The following SCIN variants were observed in gnomAD, a reference collection of about 807,000 sequenced individuals.
SCIN encodes the protein scinderin, also known as adseverin.
In SCIN, 91 loss-of-function variants were observed where a neutral mutation model predicts 91.8. That is an observed-to-expected ratio of 0.99 (90% confidence interval 0.84 to 1.18). The LOEUF is 1.18. Among genes scored for constraint, SCIN ranks in the 50% most tolerant of loss-of-function variants. SCIN has a pLI of 0.00. For synonymous variants in SCIN, 367 were observed against 312.6 expected (o/e 1.17, Z -1.84); for missense variants, 1,087 against 863.9 (o/e 1.26, Z -3.24).
chr7:12,649,976 T>G (rs899596068), intron 14 of SCIN, among the ~76,000 whole-genome samples: 2 of 151,368 alleles, frequency 1.3e-5, no homozygotes, highest in East Asian at 1.9e-4. Context: ...GGCAGAATAG[T>G]TTTGAATCTA....
chr7:12,595,155 C>T (rs963534153), intron 3 of SCIN, among the ~76,000 whole-genome samples: 8 of 152,120 alleles, frequency 5.3e-5, no homozygotes, highest in East Asian at 1.9e-4. Context: ...CAAGGTCAGG[C>T]GAGTAAGCTT....
intron 3 of SCIN, among the ~76,000 whole-genome samples, chr7:12,603,702 G>A (rs1167849433): frequency 6.6e-6 from 1 of 152,056 alleles, no homozygotes; most frequent in Non-Finnish European, 1.5e-5. Flanking sequence ...CTAAATGGTA[G>A]CTAATATAAT....
At chr7:12,605,141 T>G (rs1236002488) in intron 4 of SCIN, among the ~76,000 whole-genome samples, 1 of 152,160 alleles carries the variant, frequency 6.6e-6, no homozygotes, top group African/African-American at 2.4e-5. Flanking sequence ...AAGCTCTGCC[T>G]CCCGGGTTCA....
intron 2 of SCIN, 150 bp from the exon 3 acceptor site, chr7:12,580,910 T>C: frequency 1.5e-6 from 1 of 647,572 alleles, no homozygotes. Flanking sequence ...TCTCTCTTGT[T>C]TTATGGAATA....
At chr7:12,603,058 C>A (rs1399754107) in intron 3 of SCIN, among the ~76,000 whole-genome samples, 3 of 152,112 alleles carry the variant, frequency 2.0e-5, no homozygotes, top group Non-Finnish European at 2.9e-5. Context: ...TGACTTCCCG[C>A]AACAGTTTCT....
intron 4 of SCIN, among the ~76,000 whole-genome samples, chr7:12,609,659 T>A (rs928233110): frequency 3.9e-5 from 6 of 152,212 alleles, no homozygotes; most frequent in African/African-American, 1.4e-4. Flanking sequence ...CAATTTTTTT[T>A]ATTCTGGAAA....
At chr7:12,575,162 A>G (rs572792403) in intron 1 of SCIN, among the ~76,000 whole-genome samples, 2 of 151,346 alleles carry the variant, frequency 1.3e-5, no homozygotes, top group African/African-American at 4.8e-5. Context: ...TAGAAATGTG[A>G]CTGATTTTTT....
At chr7:12,618,685 C>A (rs1008875868) in intron 4 of SCIN, among the ~76,000 whole-genome samples, 3 of 152,066 alleles carry the variant, frequency 2.0e-5, no homozygotes, top group Non-Finnish European at 4.4e-5. Flanking sequence ...AAATGCCTTG[C>A]AGCAAGTAAA....
At chr7:12,634,941 C>T (rs1248459522) in intron 9 of SCIN, among the ~76,000 whole-genome samples, 1 of 152,114 alleles carries the variant, frequency 6.6e-6, no homozygotes, top group Non-Finnish European at 1.5e-5. Flanking sequence ...AATCCTAGCA[C>T]TTTGGGAGGC....
intron 2 of SCIN, among the ~76,000 whole-genome samples, 188 bp downstream of exon 2, chr7:12,578,406 T>C (rs1335372422): frequency 1.3e-5 from 2 of 152,192 alleles, no homozygotes; most frequent in African/African-American, 2.4e-5. Flanking sequence ...TCAATAAATG[T>C]TTGTGAAATG....
At chr7:12,577,673 G>C (rs1249595038) in intron 1 of SCIN, 18 of 438,504 alleles carry the variant, frequency 4.1e-5, no homozygotes, top group Non-Finnish European at 2.7e-5. Context: ...GCAACATATG[G>C]AGACCTTTTC....
At chr7:12,626,968 T>C (rs1783538787) in intron 8 of SCIN, among the ~76,000 whole-genome samples, 169 bp downstream of exon 8, 1 of 151,946 alleles carries the variant, frequency 6.6e-6, no homozygotes, top group South Asian at 2.1e-4. Flanking sequence ...AGCTCGCCCA[T>C]AGTCCTAGCT....
At chr7:12,584,155 T>C (rs1782541686) in intron 3 of SCIN, among the ~76,000 whole-genome samples, 1 of 152,232 alleles carries the variant, frequency 6.6e-6, no homozygotes, top group Non-Finnish European at 1.5e-5. Flanking sequence ...TTGGCAACTT[T>C]ATTTTGGGGT....
intron 1 of SCIN, among the ~76,000 whole-genome samples, chr7:12,573,424 G>A (rs967952326): frequency 1.3e-5 from 2 of 152,188 alleles, no homozygotes; most frequent in African/African-American, 2.4e-5. Context: ...AGAGAACAGA[G>A]CAGGAGAGTC....
At chr7:12,623,795 T>C (rs1169811575) in intron 5 of SCIN, among the ~76,000 whole-genome samples, 2 of 152,218 alleles carry the variant, frequency 1.3e-5, no homozygotes, top group Non-Finnish European at 2.9e-5. Context: ...TTTAGCGTAA[T>C]TTCCTTTTCA....
intron 9 of SCIN, among the ~76,000 whole-genome samples, chr7:12,631,911 C>T (rs548424136): frequency 1.3e-5 from 2 of 152,052 alleles, no homozygotes; most frequent in South Asian, 4.2e-4. Context: ...CCAATCTACT[C>T]GTCATAGAGT....
rs1165900586 is a variant in SCIN, at chr7:12,640,616, C to T, written c.1581+99C>T. On this transcript the variant is annotated intron_variant, in intron 11 of 15. Transcript: ENST00000297029. ...AGACTTTAAAAACTTGGCAAATAAA[C>T]TCCCTTCATTCCTATAATTAATCCA... 8 of 1,059,660 alleles carry T rather than the reference C, an allele frequency of 7.5e-6. No homozygotes were observed. The East Asian group carries it at 1.5e-4, about 20-fold the overall frequency. 65.6% of individuals were successfully genotyped at this position (1,059,660 alleles called of 1,614,324 possible).
In SCIN at chr7:12,655,022, T is replaced by C. The variant is rs796208369; in HGVS notation, c.*2307T>C. On this transcript the variant is annotated 3_prime_UTR_variant, in exon 16 of 16. Coordinates refer to ENST00000297029, the MANE Select transcript of SCIN (RefSeq NM_001112706.3). ...GTTTTTCTTCAGTATCCGCGGGAGA[T>C]TGGCTCGAGGAACCCCATGGATACC... 1.5e-4 allele frequency: 23 copies of C among 152,326 alleles called. No homozygotes were observed. Among genetic ancestry groups the C allele is most frequent in the African/African-American group, 5.5e-4 (23 of 41,574 alleles). 9.4% of individuals were successfully genotyped at this position (152,326 alleles called of 1,614,324 possible). A position where few individuals can be genotyped will look rare whatever the true frequency, so the allele number is the denominator to read the frequency against.
intron 4 of SCIN, among the ~76,000 whole-genome samples, chr7:12,606,577 T>C (rs895994082): frequency 2.6e-5 from 4 of 152,196 alleles, no homozygotes; most frequent in African/African-American, 9.7e-5. Flanking sequence ...ATTCTCATGG[T>C]ATAATACTAG....
Sources: gnomAD v4.1 joint callset for allele counts (sites outside exome capture counted in the v4.1 genomes callset) on GRCh38, gnomAD v4.1.1 for gene constraint, MANE v1.5 for transcripts, NCBI Gene and HGNC (gene_info 2026-07-23, HGNC 2026-07-21) for gene names.